B3GLCT: variants seen among roughly 807,000 people sequenced by gnomAD.
B3GLCT encodes beta 3-glucosyltransferase, also known as beta-1,3-glucosyltransferase.
Under a neutral mutation model 63.4 loss-of-function variants are expected in B3GLCT, and 65 were observed. The ratio of observed to expected loss-of-function variants is 1.03; its 90% CI spans 0.84 to 1.26. The LOEUF is 1.26. Among genes scored for constraint, B3GLCT ranks in the 50% most tolerant of loss-of-function variants. The probability of loss-of-function intolerance (pLI) is 0.00; values close to 1 mark genes in which losing one functional copy is unlikely to be tolerated. For synonymous variants in B3GLCT, 233 were observed against 219.2 expected, an observed-to-expected ratio of 1.06 and a Z score of -0.55; for missense variants, 577 against 604.8, an observed-to-expected ratio of 0.95 and a Z score of 0.48.
chr13:31,221,207 A>T (rs866604255), intron 2 of B3GLCT, among the ~76,000 whole-genome samples: 11 of 152,166 alleles, frequency 7.2e-5, no homozygotes, highest in Non-Finnish European at 1.6e-4. Flanking sequence ...CTGTTTTTAG[A>T]TCTAACAATT....
chr13:31,251,708 T>C (rs542280781), intron 6 of B3GLCT, among the ~76,000 whole-genome samples: 3 of 152,214 alleles, frequency 2.0e-5, no homozygotes, highest in South Asian at 2.1e-4. Flanking sequence ...CCAAGAAATA[T>C]GGGACTGTGT....
intron 12 of B3GLCT, among the ~76,000 whole-genome samples, chr13:31,302,546 G>GAGTCAAAGAA (rs1874278028): frequency 1.7e-5 from 2 of 119,562 alleles, no homozygotes; most frequent in East Asian, 5.0e-4. Flanking sequence ...TTCCCTTTCC[G>GAGTCAAAGAA]AGTCAAAGAA....
intron 2 of B3GLCT, among the ~76,000 whole-genome samples, chr13:31,219,817 A>G (rs1249024319): frequency 2.0e-5 from 3 of 152,244 alleles, no homozygotes; most frequent in African/African-American, 7.2e-5. Context: ...TGAACAAATC[A>G]AAGTAAAGAG....
intron 6 of B3GLCT, among the ~76,000 whole-genome samples, chr13:31,256,345 T>G (rs1220772089): frequency 2.0e-5 from 3 of 152,176 alleles, no homozygotes; most frequent in Non-Finnish European, 2.9e-5. Context: ...GTAAATTAGT[T>G]CAACCATTGT....
At chr13:31,286,291 C>T (rs561984877) in intron 11 of B3GLCT, among the ~76,000 whole-genome samples, 9 of 152,290 alleles carry the variant, frequency 5.9e-5, no homozygotes, top group South Asian at 2.1e-4. Flanking sequence ...TATAAGCTTC[C>T]GCCTTTGCAC....
intron 12 of B3GLCT, among the ~76,000 whole-genome samples, chr13:31,302,397 G>A (rs1874268415): frequency 6.6e-6 from 1 of 150,504 alleles, no homozygotes; most frequent in Admixed American, 6.6e-5. Context: ...GGTGATTTCT[G>A]CATTTCCATC....
At chr13:31,298,674 A>G (rs1422634029) in intron 12 of B3GLCT, among the ~76,000 whole-genome samples, 2 of 152,340 alleles carry the variant, frequency 1.3e-5, no homozygotes, top group South Asian at 4.1e-4. Flanking sequence ...AGACATCAGA[A>G]TCACTACCGT....
At chr13:31,212,586 AT>A (rs951978730) in intron 1 of B3GLCT, among the ~76,000 whole-genome samples, 4 of 151,882 alleles carry the variant, frequency 2.6e-5, no homozygotes, top group African/African-American at 9.7e-5. Flanking sequence ...TGTCTGGCTA[AT>A]TTTGTAGAGA....
At chr13:31,228,984 C>T (rs1204936962) in intron 3 of B3GLCT, among the ~76,000 whole-genome samples, 1 of 152,150 alleles carries the variant, frequency 6.6e-6, no homozygotes, top group East Asian at 1.9e-4. Flanking sequence ...TATTTACTTG[C>T]TAACTTCTAG....
chr13:31,268,498 T>C (rs970463407), intron 7 of B3GLCT, among the ~76,000 whole-genome samples: 6 of 152,326 alleles, frequency 3.9e-5, no homozygotes, highest in Middle Eastern at 3.4e-3. Context: ...CCATTTACTC[T>C]GATGGGCAAA....
At chr13:31,268,348 CTG>C (rs1274988245) in intron 7 of B3GLCT, among the ~76,000 whole-genome samples, 6 of 152,100 alleles carry the variant, frequency 3.9e-5, no homozygotes, top group Non-Finnish European at 7.4e-5. Context: ...TGAGTGCTCA[CTG>C]TGGTCAGGTG....
chr13:31,292,523 C>T (rs920308216), intron 12 of B3GLCT, among the ~76,000 whole-genome samples: 2 of 152,152 alleles, frequency 1.3e-5, no homozygotes, highest in African/African-American at 2.4e-5. Flanking sequence ...TTTACCTCTT[C>T]CTGGTTTAGT....
intron 3 of B3GLCT, among the ~76,000 whole-genome samples, chr13:31,224,092 G>T (rs541722194): frequency 2.6e-5 from 4 of 152,186 alleles, no homozygotes; most frequent in Non-Finnish European, 4.4e-5. Flanking sequence ...CCGCCCCCGG[G>T]TGGAAGTGGG....
intron 6 of B3GLCT, among the ~76,000 whole-genome samples, chr13:31,256,333 G>A (rs986479676): frequency 1.3e-5 from 2 of 152,216 alleles, no homozygotes; most frequent in African/African-American, 4.8e-5. Context: ...GTTGGTGGGA[G>A]TGTAAATTAG....
At chr13:31,266,943 G>A (rs1382260530) in intron 7 of B3GLCT, among the ~76,000 whole-genome samples, 1 of 151,928 alleles carries the variant, frequency 6.6e-6, no homozygotes, top group Non-Finnish European at 1.5e-5. Flanking sequence ...ACTAATTTTT[G>A]TATTTTTAGT....
intron 14 of B3GLCT, among the ~76,000 whole-genome samples, chr13:31,326,316 C>G (rs1318804515): frequency 9.6e-6 from 1 of 103,808 alleles, no homozygotes; most frequent in East Asian, 3.5e-4. Context: ...TGAAGTCTTG[C>G]TCTGTCACCC....
chr13:31,297,712 G>A (rs1037650611), intron 12 of B3GLCT, among the ~76,000 whole-genome samples: 1 of 152,116 alleles, frequency 6.6e-6, no homozygotes, highest in Non-Finnish European at 1.5e-5. Context: ...CCAGACACCA[G>A]TCATTAAGTC....
intron 4 of B3GLCT, among the ~76,000 whole-genome samples, chr13:31,238,780 G>T (rs1331311178): frequency 2.0e-5 from 3 of 152,078 alleles, no homozygotes; most frequent in African/African-American, 7.2e-5. Flanking sequence ...CATCTCAAAA[G>T]AGAAAAAAAT....
intron 1 of B3GLCT, among the ~76,000 whole-genome samples, chr13:31,204,190 G>C (rs1474449079): frequency 1.3e-5 from 2 of 152,190 alleles, no homozygotes; most frequent in African/African-American, 4.8e-5. Flanking sequence ...CTAGACTGGG[G>C]AGATGGATCT....
Sources: allele counts gnomAD v4.1 joint callset (sites outside exome capture counted in the v4.1 genomes callset), GRCh38; gene constraint gnomAD v4.1.1; transcripts MANE v1.5; gene names NCBI Gene and HGNC (gene_info 2026-07-23, HGNC 2026-07-21).